MBD5: variants seen among roughly 807,000 people sequenced by gnomAD.
MBD5 encodes the protein methyl-CpG binding domain protein 5, also known as methyl-CpG-binding domain protein 5.
A neutral mutation model predicts 117.3 loss-of-function variants in MBD5; 13 were observed. The observed-to-expected ratio is 0.11, with a 90% CI of 0.07 to 0.18. The LOEUF (loss-of-function observed/expected upper bound fraction) is 0.18. Ranked by LOEUF, MBD5 falls within the 10% of genes least tolerant of loss-of-function variation. The probability of loss-of-function intolerance (pLI) is 1.00; values close to 1 mark genes in which losing one functional copy is unlikely to be tolerated. For missense variants in MBD5, 1,879 were observed against 2,093.8 expected, an observed-to-expected ratio of 0.90 and a Z score of 2.00; for synonymous variants, 727 against 766.4, an observed-to-expected ratio of 0.95 and a Z score of 0.85.
intron 1 of MBD5, among the ~76,000 whole-genome samples, chr2:148,063,215 A>C (rs955901717): frequency 1.3e-5 from 2 of 152,190 alleles, no homozygotes; most frequent in African/African-American, 4.8e-5. Context: ...CAGCTTCATC[A>C]CAATTTAAGT....
Position 148,468,970 on chromosome 2 carries a change from T to C in MBD5, c.1027T>C (p.Ser343Pro). The C allele has an allele frequency of 6.2e-7, 1 of 1,613,730 alleles. No homozygotes were observed. The highest frequency in any genetic ancestry group is 8.5e-7 in the Non-Finnish European group (1 of 1,179,900). The change falls in exon 8 of 14, where the codon TCT becomes CCT. Residue 343 changes from serine (S) to proline (P), a missense_variant. By Grantham distance (74) the Ser-to-Pro change is moderately conservative. Around this residue, in one of 4 missense-constraint regions of MBD5, gnomAD observed 1,666 missense variants for 1,792.2 expected, o/e 0.93. Transcript: ENST00000642680. ...AGGCCCACCTCCCCCTCCTCCACCT[T>C]CTTGTGCTCTTCAGAAAAAGCCATT... ...PQGPPPPPPPSCALQKKPLTS... is the reference protein window; with the variant it reads ...PQGPPPPPPPPCALQKKPLTS...
At chr2:148,358,766 G>A (rs2105288035) in intron 4 of MBD5, among the ~76,000 whole-genome samples, 1 of 152,130 alleles carries the variant, frequency 6.6e-6, no homozygotes, top group East Asian at 1.9e-4. Flanking sequence ...ACTCCAGCCG[G>A]GGTGACAAGA....
intron 3 of MBD5, among the ~76,000 whole-genome samples, chr2:148,310,069 G>A (rs1449051412): frequency 1.3e-5 from 2 of 152,118 alleles, no homozygotes; most frequent in East Asian, 3.9e-4. Flanking sequence ...GAGGATTTTT[G>A]CATTGATGTT....
Position 148,256,408 on chromosome 2 carries a change from C to T in MBD5, c.-680+23013C>T, listed in dbSNP as rs376036791. On this transcript the variant is annotated intron_variant, in intron 3 of 13. Transcript: ENST00000642680. ...GGCATATGGCCTGACACATGATAAA[C>T]GGTTACCTGTTTCTGATGACCCATT... Among the ~76,000 whole-genome samples the T allele has an allele frequency of 4.7e-4, 71 of 152,330 alleles. No homozygotes were observed. In the South Asian group the frequency reaches 0.014, roughly 29 times the overall value.
At chr2:148,266,979 C>T (rs1482804449) in intron 3 of MBD5, among the ~76,000 whole-genome samples, 1 of 152,040 alleles carries the variant, frequency 6.6e-6, no homozygotes, top group Admixed American at 6.6e-5. Flanking sequence ...TCACACTCTA[C>T]GGAGGCTGTT....
chr2:148,092,328 A>T (rs1304847795), intron 1 of MBD5, among the ~76,000 whole-genome samples: 1 of 152,218 alleles, frequency 6.6e-6, no homozygotes, highest in Non-Finnish European at 1.5e-5. Context: ...ACCTAGAGGG[A>T]AATAAGTCAT....
chr2:148,205,027 T>C (rs1054117890), intron 2 of MBD5, among the ~76,000 whole-genome samples: 7 of 152,106 alleles, frequency 4.6e-5, no homozygotes, highest in African/African-American at 1.7e-4. Context: ...ATACCACTTC[T>C]ACCTGTTTTC....
chr2:148,211,405 A>G (rs1699418859), intron 2 of MBD5, among the ~76,000 whole-genome samples: 3 of 152,154 alleles, frequency 2.0e-5, no homozygotes, highest in Admixed American at 2.0e-4. Context: ...TAAACTTTGG[A>G]CTCAGAGAAA....
At chr2:148,250,435 G>A (rs1700439273) in intron 3 of MBD5, among the ~76,000 whole-genome samples, 1 of 152,150 alleles carries the variant, frequency 6.6e-6, no homozygotes, top group Admixed American at 6.5e-5. Context: ...ATGGACCCCT[G>A]AACCTTCTTC....
At chr2:148,492,765 A>G (rs1197162271) in intron 11 of MBD5, among the ~76,000 whole-genome samples, 5 of 151,958 alleles carry the variant, frequency 3.3e-5, no homozygotes, top group Middle Eastern at 3.2e-3. Context: ...AAAAATTCAA[A>G]CAGAGGTCTG....
intron 3 of MBD5, among the ~76,000 whole-genome samples, chr2:148,240,594 A>G (rs902964361): frequency 1.3e-5 from 2 of 152,122 alleles, no homozygotes; most frequent in Non-Finnish European, 2.9e-5. Flanking sequence ...ATTCTAGTAA[A>G]GCTCATTCTA....
At chr2:148,106,167 A>G (rs770851988) in intron 1 of MBD5, among the ~76,000 whole-genome samples, 17 of 152,024 alleles carry the variant, frequency 1.1e-4, no homozygotes, top group Admixed American at 7.2e-4. Context: ...TGTTGTTCAG[A>G]TCTTCTGTAT....
At chr2:148,231,975 G>A (rs192121025) in intron 2 of MBD5, among the ~76,000 whole-genome samples, 9 of 152,288 alleles carry the variant, frequency 5.9e-5, no homozygotes, top group African/African-American at 1.9e-4. Context: ...CTAGACTGGT[G>A]AGAGAATCCT....
intron 4 of MBD5, among the ~76,000 whole-genome samples, chr2:148,446,880 G>C (rs1047307320): frequency 6.6e-6 from 1 of 152,020 alleles, no homozygotes; most frequent in Non-Finnish European, 1.5e-5. Context: ...ACCTTTGAAA[G>C]ACTTGATGAA....
chr2:148,107,535 C>T (rs550114574), intron 1 of MBD5, among the ~76,000 whole-genome samples: 87 of 151,956 alleles, frequency 5.7e-4, no homozygotes, highest in African/African-American at 2.0e-3. Flanking sequence ...CTCTTCCTCT[C>T]GAGACTATAT....
At chr2:148,254,975 AG>A (rs1700549514) in intron 3 of MBD5, among the ~76,000 whole-genome samples, 1 of 152,190 alleles carries the variant, frequency 6.6e-6, no homozygotes, top group Admixed American at 6.5e-5. Flanking sequence ...TGGAACCCCA[AG>A]TCTCCAGCCA....
At chr2:148,391,257 AAC>A (rs1377545564) in intron 4 of MBD5, among the ~76,000 whole-genome samples, 9 of 144,926 alleles carry the variant, frequency 6.2e-5, no homozygotes, top group African/African-American at 2.3e-4. Flanking sequence ...TGTTTTAGAA[AAC>A]AGTGTTAAAG....
At chr2:148,426,039 C>T (rs1705771397) in intron 4 of MBD5, among the ~76,000 whole-genome samples, 1 of 152,126 alleles carries the variant, frequency 6.6e-6, no homozygotes, top group Admixed American at 6.6e-5. Flanking sequence ...CATGAGGGAA[C>T]TCCCATTCAC....
At chr2:148,063,090 T>A (rs1695085188) in intron 1 of MBD5, among the ~76,000 whole-genome samples, 1 of 152,154 alleles carries the variant, frequency 6.6e-6, no homozygotes, top group Admixed American at 6.5e-5. Flanking sequence ...AATAATGATA[T>A]CTCCTCTTGC....
Sources: allele counts gnomAD v4.1 joint callset (sites outside exome capture counted in the v4.1 genomes callset), GRCh38; gene constraint gnomAD v4.1.1; regional missense constraint gnomAD v4.1.1; transcripts MANE v1.5; gene names NCBI Gene and HGNC (gene_info 2026-07-23, HGNC 2026-07-21).